Variants in KIF4A observed in about 807,000 individuals in gnomAD.
KIF4A encodes chromosome-associated kinesin KIF4A.
A neutral mutation model predicts 105.9 loss-of-function variants in KIF4A; 7 were observed. The ratio of observed to expected loss-of-function variants is 0.07; its 90% CI spans 0.04 to 0.12. The LOEUF is 0.12. KIF4A is among the 10% of genes least tolerant of loss of function. The pLI, the probability that KIF4A is intolerant of heterozygous loss-of-function variation, is 1.00. For missense variants in KIF4A, 558 were observed against 929.2 expected (o/e 0.60, Z 5.19); for synonymous variants, 281 against 331.3 (o/e 0.85, Z 1.65).
At chrX:70,325,866 C>G (rs1730868756) in intron 7 of KIF4A, among the ~76,000 whole-genome samples, 1 of 111,262 alleles carries the variant, frequency 9.0e-6, no homozygotes, top group South Asian at 3.8e-4. Context: ...TTACAAATCA[C>G]ATTTGATTTT....
At chrX:70,300,950 G>A (rs1220740618) in intron 5 of KIF4A, among the ~76,000 whole-genome samples, 1 of 111,771 alleles carries the variant, frequency 8.9e-6, no homozygotes, top group Non-Finnish European at 1.9e-5. Context: ...GACCAGTTGG[G>A]GAAACTGTTG....
intron 19 of KIF4A, among the ~76,000 whole-genome samples, 186 bp downstream of exon 19, chrX:70,386,887 G>A (rs981639557): frequency 7.2e-5 from 8 of 111,798 alleles, no homozygotes; most frequent in Admixed American, 1.9e-4. Context: ...ATGAAAAATG[G>A]TACTGTTCAA....
chrX:70,371,723 C>T (rs1028089847), intron 15 of KIF4A, among the ~76,000 whole-genome samples: 3 of 109,652 alleles, frequency 2.7e-5, no homozygotes, highest in East Asian at 3.0e-4. Flanking sequence ...ACCTCCCTCC[C>T]GGACGGGGCG....
intron 10 of KIF4A, among the ~76,000 whole-genome samples, chrX:70,339,011 G>C (rs767969678): frequency 3.3e-4 from 35 of 107,088 alleles, no homozygotes; most frequent in Non-Finnish European, 5.8e-4. Flanking sequence ...CATGAACCTG[G>C]GAGGCGGAGC....
Position 70,381,614 on chromosome X carries a change from G to A in KIF4A, c.2035-5004G>A, listed in dbSNP as rs183064302. Among the ~76,000 whole-genome samples, 5 of 112,203 alleles carry A rather than the reference G, an allele frequency of 4.5e-5. No individual in the cohort carries two copies. The Admixed American group carries it at 4.7e-4, about 11-fold the overall frequency. On this transcript the variant is annotated intron_variant, in intron 18 of 30. Coordinates refer to ENST00000374403, the MANE Select transcript of KIF4A (RefSeq NM_012310.5). Reference sequence around the variant, plus strand: ...AATAAAATACTTAGGAATAAATTTAGCAAAAGAAGTGTAAGACTTGTATAC... The same window carrying A: ...AATAAAATACTTAGGAATAAATTTAACAAAAGAAGTGTAAGACTTGTATAC...
At chrX:70,334,418 A>G (rs1215656860) in intron 10 of KIF4A, among the ~76,000 whole-genome samples, 1 of 112,097 alleles carries the variant, frequency 8.9e-6, no homozygotes, top group Admixed American at 9.4e-5. Flanking sequence ...CCAATGTGAC[A>G]GGGTTCATTT....
rs2086035065 is a variant in KIF4A at position 70,352,522 on chromosome X, A to T, written c.1432-78A>T. The T allele has an allele frequency of 3.9e-6, 3 of 769,283 alleles. No individual in the cohort carries two copies. The South Asian group carries it at 7.5e-5, about 19-fold the overall frequency. 63.4% of individuals were successfully genotyped at this position (769,283 alleles called of 1,213,427 possible). On this transcript the variant is annotated intron_variant, in intron 13 of 30. Transcript: ENST00000374403. The stretch of plus-strand genomic sequence containing the variant: ...CAGTCTCTGTATACACTTAAAAAAA[A>T]TTAAATAACCAATATAAAATCCACC...
rs755057788 is a variant in KIF4A at position 70,341,883 on chromosome X, G to C, written c.1218G>C (p.Leu406=). The change falls in exon 11 of 31, where the codon CTG becomes CTC. Residue 406 remains leucine (L), a synonymous_variant. Coordinates refer to ENST00000374403, the MANE Select transcript of KIF4A (RefSeq NM_012310.5). ...AGAATGAAAAATTAAGTCGTGGTCT[G>C]AGCGAGGCAGCTGGTCAGACAGCCC... ...VEENEKLSRG[L]SEAAGQTAQM... is the part of the protein sequence containing the mutation. The C allele has an allele frequency of 1.2e-5, 15 of 1,209,971 alleles. No individual in the cohort carries two copies. The highest frequency in any genetic ancestry group is 7.1e-5 in the South Asian group (4 of 56,687).
intron 9 of KIF4A, among the ~76,000 whole-genome samples, chrX:70,330,900 G>C (rs982527696): frequency 8.9e-6 from 1 of 112,117 alleles, no homozygotes; most frequent in South Asian, 3.7e-4. Flanking sequence ...AGAAACCCAT[G>C]TGTAGACTTT....
rs1324756011 is a variant in KIF4A, at chrX:70,371,946, C to T, written c.1675-2205C>T. The stretch of plus-strand genomic sequence containing the variant: ...CTCAGACGGGGTGGCCGGGCAGAGA[C>T]GCTCCTCACCTCCCAGACGGGGTCA... On this transcript the variant is annotated intron_variant, in intron 15 of 30. Transcript: ENST00000374403. Among the ~76,000 whole-genome samples the T allele has an allele frequency of 1.4e-4, 15 of 106,419 alleles. 1 individual carries two copies. The South Asian group carries it at 1.8e-3, about 13-fold the overall frequency. The allele number at this position is 106,419 out of a possible 115,157, so 92.4% of individuals were successfully genotyped here.
intron 7 of KIF4A, among the ~76,000 whole-genome samples, chrX:70,320,138 G>T (rs1369518135): frequency 9.0e-6 from 1 of 111,298 alleles, no homozygotes; most frequent in Non-Finnish European, 1.9e-5. Flanking sequence ...ATTGCACCCA[G>T]CATGATCTCC....
At chrX:70,299,471 C>A (rs1448215079) in intron 5 of KIF4A, among the ~76,000 whole-genome samples, 2 of 110,791 alleles carry the variant, frequency 1.8e-5, no homozygotes, top group Non-Finnish European at 3.8e-5. Flanking sequence ...AGTTCTAAGG[C>A]TGAGCAGTCC....
intron 13 of KIF4A, among the ~76,000 whole-genome samples, chrX:70,352,048 C>T (rs1275463974): frequency 2.7e-5 from 3 of 112,287 alleles, no homozygotes; most frequent in South Asian, 3.7e-4. Flanking sequence ...CATAAGCCAC[C>T]GTGCCTGGCT....
At position 70,326,995 on chromosome X, in the gene KIF4A, T is replaced by C. The variant is rs17311619; in HGVS notation, c.779-2410T>C. 7.1e-3 allele frequency among the ~76,000 whole-genome samples: 801 copies of C among 112,201 alleles called. 47 individuals carry two copies. In the East Asian group the frequency reaches 0.19, roughly 26 times the overall value. On this transcript the variant is annotated intron_variant, in intron 7 of 30. Coordinates refer to ENST00000374403, the MANE Select transcript of KIF4A (RefSeq NM_012310.5). ...TGTCTGGAATTTTGTTTTGCTCCTA[T>C]ATGAAACTATAGATGGAAGTTTTGC...
intron 21 of KIF4A, 44 bp from the exon 22 acceptor site, chrX:70,395,905 C>CT: frequency 8.4e-7 from 1 of 1,195,448 alleles, no homozygotes. Flanking sequence ...TGGAGGATTA[C>CT]TTTCCTTTTA....
chrX:70,302,427 A>G (rs2085807978), intron 7 of KIF4A, 29 bp downstream of exon 7: 1 of 1,185,603 alleles, frequency 8.4e-7, no homozygotes, highest in South Asian at 1.8e-5. Flanking sequence ...TCACAGTTGT[A>G]GATTAAAAAC....
chrX:70,351,503 T>C (rs2086030241), intron 13 of KIF4A, among the ~76,000 whole-genome samples: 1 of 111,681 alleles, frequency 9.0e-6, no homozygotes, highest in African/African-American at 3.3e-5. Context: ...TAGTGTTCCA[T>C]GGTGTGACTA....
intron 9 of KIF4A, 88 bp from the exon 10 acceptor site, chrX:70,333,540 T>C: frequency 1.6e-6 from 1 of 631,614 alleles, no homozygotes; most frequent in Non-Finnish European, 2.7e-6. Flanking sequence ...GTAAAATTAC[T>C]TTATTGCTAA....
intron 18 of KIF4A, among the ~76,000 whole-genome samples, chrX:70,376,647 C>G (rs1307072133): frequency 1.8e-5 from 2 of 111,599 alleles, no homozygotes; most frequent in South Asian, 7.5e-4. Flanking sequence ...ATAGATAGAT[C>G]AAAGAAATAG....
Sources: allele counts gnomAD v4.1 joint callset (sites outside exome capture counted in the v4.1 genomes callset), GRCh38; gene constraint gnomAD v4.1.1; transcripts MANE v1.5; gene names NCBI Gene and HGNC (gene_info 2026-07-23, HGNC 2026-07-21).